The following CRNKL1 variants were observed in gnomAD, a reference collection of about 807,000 sequenced individuals.
The protein encoded by CRNKL1 is crooked neck-like protein 1.
CRNKL1 carries 35 observed loss-of-function variants against 103.7 expected under a neutral mutation model. The observed-to-expected ratio is 0.34, with a 90% confidence interval of 0.26 to 0.45. The LOEUF (loss-of-function observed/expected upper bound fraction) is 0.45, where lower values mean the gene tolerates loss of function less well. Ranked by LOEUF, CRNKL1 falls within the 20% of genes least tolerant of loss-of-function variation. The pLI, the probability that CRNKL1 is intolerant of heterozygous loss-of-function variation, is 1.00. For missense variants in CRNKL1, 645 were observed against 836.0 expected (o/e 0.77, Z 2.82); for synonymous variants, 267 against 282.6 (o/e 0.94, Z 0.55).
At chr20:20,048,094 T>G (rs6046568) in intron 4 of CRNKL1, among the ~76,000 whole-genome samples, 163 bp from the exon 5 acceptor site, 1,760 of 152,316 alleles carry the variant, frequency 0.012, 24 homozygotes, top group African/African-American at 0.04. Flanking sequence ...AAAGATTTTT[T>G]TTTCTTAAAA....
intron 7 of CRNKL1, among the ~76,000 whole-genome samples, chr20:20,043,262 C>A (rs967710765): frequency 6.6e-6 from 1 of 152,186 alleles, no homozygotes; most frequent in African/African-American, 2.4e-5. Context: ...ATCAACAAAA[C>A]GACTTACAAC....
At chr20:20,049,983 A>G (rs1391476140) in intron 2 of CRNKL1, among the ~76,000 whole-genome samples, 1 of 152,008 alleles carries the variant, frequency 6.6e-6, no homozygotes, top group Non-Finnish European at 1.5e-5. Context: ...ACGCCTGGCT[A>G]ATTTTTGTAT....
At chr20:20,051,075 C>A (rs6132265) in intron 1 of CRNKL1, among the ~76,000 whole-genome samples, 13,915 of 152,196 alleles carry the variant, frequency 0.091, 741 homozygotes, top group African/African-American at 0.14. Flanking sequence ...AAGGCAATTT[C>A]AGTAAGTTCT....
intron 5 of CRNKL1, among the ~76,000 whole-genome samples, chr20:20,046,999 C>T (rs192434958): frequency 2.6e-5 from 4 of 152,320 alleles, no homozygotes; most frequent in East Asian, 1.9e-4. Flanking sequence ...ATTTAATCTT[C>T]GCAACAGCCC....
chr20:20,041,213 A>C (rs1251085556), intron 9 of CRNKL1, among the ~76,000 whole-genome samples: 1 of 152,236 alleles, frequency 6.6e-6, no homozygotes, highest in African/African-American at 2.4e-5. Flanking sequence ...CATCTACACA[A>C]GGGGCACATT....
chr20:20,046,981 T>C (rs1010643209), intron 5 of CRNKL1, among the ~76,000 whole-genome samples: 6 of 152,260 alleles, frequency 3.9e-5, no homozygotes, highest in Non-Finnish European at 5.9e-5. Flanking sequence ...AGTGCTTTCA[T>C]GTGTATCATT....
At chr20:20,054,012 T>G (rs1218020652), upstream of CRNKL1, among the ~76,000 whole-genome samples, 1 of 147,454 alleles carries the variant, frequency 6.8e-6, no homozygotes, top group Non-Finnish European at 1.5e-5. Flanking sequence ...TTTTTTTGTT[T>G]GTTTTTTTTT....
rs73289669 is a variant in CRNKL1 at position 20,044,534 on chromosome 20, A to C, written c.801+774T>G. Among the ~76,000 whole-genome samples the C allele has an allele frequency of 8.2e-3, 1,244 of 152,360 alleles. 15 individuals are homozygous for C. Among genetic ancestry groups the C allele is most frequent in the African/African-American group, 0.029 (1,191 of 41,568 alleles). On this transcript the variant is annotated intron_variant, in intron 6 of 13. Coordinates refer to ENST00000536226, the MANE Select transcript of CRNKL1 (RefSeq NM_001278628.2). ...TCCTTCGAGTGTCATGTCAGCACTC[A>C]ACAAGTTTCACATTTTGAGTTTTGG... is the stretch of plus-strand genomic sequence containing the variant.
At chr20:20,054,000 GT>G (rs772688050), upstream of CRNKL1, among the ~76,000 whole-genome samples, 2,407 of 99,268 alleles carry the variant, frequency 0.024, 31 homozygotes, top group Non-Finnish European at 0.035. Context: ...CTCTGTGTGT[GT>G]TTTTTTTGTT....
rs1284701250 is a variant in CRNKL1, at chr20:20,038,349, C to T, written c.1647G>A (p.Lys549=). 2.6e-6 allele frequency: 4 copies of T among 1,541,158 alleles called. No homozygotes were observed. The East Asian group carries it at 9.8e-5, about 38-fold the overall frequency. ...RRLLQRTQHV[K]VWISFAQFEL... ...AAGATCATCTACAAAGCAAGGATAC[C>T]TTGACATGCTGCGTCCGTTGAAGCA... is the stretch of plus-strand genomic sequence containing the variant. Residue 549 remains lysine (K), a splice_region_variant and synonymous_variant, in exon 12 of 14, where the codon AAG becomes AAA. Transcript: ENST00000536226.
chr20:20,047,615 C>G, intron 5 of CRNKL1, 150 bp downstream of exon 5: 1 of 673,564 alleles, frequency 1.5e-6, no homozygotes, highest in East Asian at 2.9e-5. Flanking sequence ...ATCTCTTTCC[C>G]TACAAAACAT....
intron 6 of CRNKL1, among the ~76,000 whole-genome samples, chr20:20,044,977 A>G (rs887536825): frequency 1.3e-5 from 2 of 152,188 alleles, no homozygotes; most frequent in Non-Finnish European, 1.5e-5. Flanking sequence ...TAGGGCTTTA[A>G]GCTTTTTGTT....
intron 4 of CRNKL1, 66 bp from the exon 5 acceptor site, chr20:20,047,997 A>G: frequency 6.6e-7 from 1 of 1,508,446 alleles, no homozygotes; most frequent in Non-Finnish European, 9.0e-7. Context: ...TGGGAAGAAG[A>G]TTGAAGATTT....
At chr20:20,050,340 G>A (rs1568765303) in intron 2 of CRNKL1, 130 bp downstream of exon 2, 3 of 673,656 alleles carry the variant, frequency 4.5e-6, no homozygotes, top group Middle Eastern at 4.4e-4. Flanking sequence ...GTAACCAGAA[G>A]TACATTATTC....
rs764966480 is a variant in CRNKL1, at chr20:20,049,405, GT to G, written c.230del (p.Asn77ThrfsTer4). ...TTATCCAGTTACTAATCACAGTCCT[GT>G]TTTTTCTTATATTATCTTCAAAAGT... ...RKTFEDNIRKNRTVISNWIKY... is the reference protein window; with the variant it reads ...RKTFEDNIRKXRTVISNWIKY... On this transcript the variant is annotated frameshift_variant, in exon 3 of 14. Coordinates refer to ENST00000536226, the MANE Select transcript of CRNKL1 (RefSeq NM_001278628.2). LOFTEE classifies it high-confidence loss of function. 4 of 1,600,260 alleles carry G rather than the reference GT, an allele frequency of 2.5e-6. No homozygotes were observed. Among genetic ancestry groups the G allele is most frequent in the Non-Finnish European group, 3.4e-6 (4 of 1,170,876 alleles).
rs772222368 is a variant in CRNKL1, at chr20:20,043,472, C to T, written c.972+20G>A. 7 of 1,604,768 alleles carry T rather than the reference C, an allele frequency of 4.4e-6. No individual in the cohort carries two copies. The South Asian group carries it at 5.5e-5, about 13-fold the overall frequency. ...CATCTTGGGTTATCTGCAGAGTTGA[C>T]CATCCACACCAGTGCTCACCTTCAC... On this transcript the variant is annotated intron_variant, in intron 7 of 13. Transcript: ENST00000536226.
rs2043401708 is a variant in CRNKL1 at position 20,035,260 on chromosome 20, TA to T, written c.*934del. 6.6e-6 allele frequency: 1 copy of T among 152,162 alleles called. No homozygotes were observed. Among genetic ancestry groups the T allele is most frequent in the South Asian group, 2.1e-4 (1 of 4,834 alleles). The allele number at this position is 152,162 out of a possible 1,614,324, so 9.4% of individuals were successfully genotyped here. A position where few individuals can be genotyped will look rare whatever the true frequency, so the allele number is the denominator to read the frequency against. On this transcript the variant is annotated 3_prime_UTR_variant, in exon 14 of 14. Coordinates refer to ENST00000536226, the MANE Select transcript of CRNKL1 (RefSeq NM_001278628.2). ...TTGTCCACTAAGTTTGGGAAATAAA[TA>T]ATATGGCAACATTGCTACTGGAGAT...
intron 6 of CRNKL1, among the ~76,000 whole-genome samples, 181 bp from the exon 7 acceptor site, chr20:20,043,843 T>A (rs139552236): frequency 1.3e-5 from 2 of 152,252 alleles, no homozygotes; most frequent in East Asian, 3.9e-4. Flanking sequence ...ACCGGTACTC[T>A]GCTTTGAGCT....
chr20:20,037,718 G>A (rs2146481761), intron 12 of CRNKL1, 147 bp from the exon 13 acceptor site: 10 of 690,072 alleles, frequency 1.4e-5, no homozygotes, highest in Non-Finnish European at 2.3e-5. Flanking sequence ...ATGAATATAT[G>A]CTTCAATATA....
Sources: allele counts gnomAD v4.1 joint callset (sites outside exome capture counted in the v4.1 genomes callset), GRCh38; gene constraint gnomAD v4.1.1; transcripts MANE v1.5; gene names NCBI Gene and HGNC (gene_info 2026-07-23, HGNC 2026-07-21).